Variants in HMCN1 observed in about 807,000 individuals in gnomAD.
HMCN1 encodes hemicentin-1.
A neutral mutation model predicts 625.9 loss-of-function variants in HMCN1; 321 were observed. The observed-to-expected ratio is 0.51, with a 90% CI of 0.47 to 0.56. The LOEUF (loss-of-function observed/expected upper bound fraction) is 0.56. Among genes scored for constraint, HMCN1 ranks in the 20% least tolerant of loss-of-function variants. HMCN1 has a pLI of 0.00. For synonymous variants in HMCN1, 2,425 were observed against 2,417.6 expected (o/e 1.00, Z -0.09); for missense variants, 6,588 against 6,887.3 (o/e 0.96, Z 1.54).
At chr1:185,832,194 G>A (rs1297251802) in intron 1 of HMCN1, among the ~76,000 whole-genome samples, 1 of 152,104 alleles carries the variant, frequency 6.6e-6, no homozygotes. Context: ...TACTTGGGGA[G>A]CTGATGTGGG....
At chr1:186,049,849 T>A (rs1364072459) in intron 42 of HMCN1, among the ~76,000 whole-genome samples, 1 of 151,936 alleles carries the variant, frequency 6.6e-6, no homozygotes, top group African/African-American at 2.4e-5. Flanking sequence ...ATGAGTATCA[T>A]CTTTTAAAAA....
intron 1 of HMCN1, among the ~76,000 whole-genome samples, chr1:185,825,579 A>C (rs1277255759): frequency 6.6e-6 from 1 of 152,192 alleles, no homozygotes; most frequent in Non-Finnish European, 1.5e-5. Flanking sequence ...TCTTACTCTC[A>C]AATTGTTTGT....
chr1:186,065,543 A>G, intron 49 of HMCN1, 114 bp downstream of exon 49: 1 of 691,212 alleles, frequency 1.4e-6, no homozygotes, highest in East Asian at 2.8e-5. Flanking sequence ...TCATGTAAGG[A>G]GGACCAGTGC....
Position 185,863,749 on chromosome 1 carries a change from T to C in HMCN1, c.340-721T>C, listed in dbSNP as rs1663011125. Among the ~76,000 whole-genome samples the C allele has an allele frequency of 3.3e-5, 5 of 152,258 alleles. No individual in the cohort carries two copies. The South Asian group carries it at 1.0e-3, about 32-fold the overall frequency. On this transcript the variant is annotated intron_variant, in intron 2 of 106. Coordinates refer to ENST00000271588, the MANE Select transcript of HMCN1 (RefSeq NM_031935.3). ...GGAAAACATATTGAGCCTATTCAAG[T>C]AGAAAATAAAACACAGAGATTATAG...
At chr1:186,036,571 A>G (rs1655839430) in intron 36 of HMCN1, among the ~76,000 whole-genome samples, 2 of 151,820 alleles carry the variant, frequency 1.3e-5, no homozygotes, top group Non-Finnish European at 2.9e-5. Flanking sequence ...TAGCCAAACC[A>G]TATCACCCAT....
intron 11 of HMCN1, among the ~76,000 whole-genome samples, chr1:185,957,541 TATG>T (rs755984289): frequency 6.6e-6 from 1 of 152,136 alleles, no homozygotes; most frequent in African/African-American, 2.4e-5. Flanking sequence ...GTTGTTCCCT[TATG>T]AGGAGGATTT....
chr1:185,926,315 A>G (rs1053754114), intron 9 of HMCN1, among the ~76,000 whole-genome samples: 1 of 152,184 alleles, frequency 6.6e-6, no homozygotes, highest in Non-Finnish European at 1.5e-5. Flanking sequence ...AGGAATATTC[A>G]TCATAACTAG....
At chr1:185,924,927 C>T in intron 8 of HMCN1, 120 bp from the exon 9 acceptor site, 1 of 894,806 alleles carries the variant, frequency 1.1e-6, no homozygotes, top group South Asian at 1.4e-5. Context: ...AATTGGAATG[C>T]AGAGGATTTA....
chr1:186,008,559 C>T (rs1387763935), intron 30 of HMCN1, among the ~76,000 whole-genome samples: 4 of 152,046 alleles, frequency 2.6e-5, no homozygotes, highest in African/African-American at 9.7e-5. Context: ...TTGAACAACA[C>T]TGGTTGAGTA....
chr1:185,815,660 G>T (rs1367825390), intron 1 of HMCN1, among the ~76,000 whole-genome samples: 1 of 149,742 alleles, frequency 6.7e-6, no homozygotes, highest in Non-Finnish European at 1.5e-5. Flanking sequence ...AGTTTTGGCT[G>T]GCTATGCAAC....
At chr1:186,171,963 A>C in intron 101 of HMCN1, 43 bp from the exon 102 acceptor site, 1 of 1,591,060 alleles carries the variant, frequency 6.3e-7, no homozygotes, top group South Asian at 1.1e-5. Context: ...AAAGTTGAAT[A>C]AATAATTTTC....
At chr1:185,896,808 T>C (rs1022868859) in intron 4 of HMCN1, among the ~76,000 whole-genome samples, 2 of 152,240 alleles carry the variant, frequency 1.3e-5, no homozygotes, top group African/African-American at 4.8e-5. Flanking sequence ...CGAGTGTACC[T>C]GCTATTTGAT....
chr1:185,754,231 A>G (rs1557943171), intron 1 of HMCN1, among the ~76,000 whole-genome samples: 1 of 152,196 alleles, frequency 6.6e-6, no homozygotes, highest in Non-Finnish European at 1.5e-5. Context: ...ATAGGAACAG[A>G]GAGTAGAACA....
chr1:185,823,842 A>G (rs1660347464), intron 1 of HMCN1, among the ~76,000 whole-genome samples: 1 of 152,192 alleles, frequency 6.6e-6, no homozygotes. Context: ...GAATAATTAA[A>G]TTACCTAGGT....
intron 26 of HMCN1, among the ~76,000 whole-genome samples, chr1:186,000,888 C>T (rs1653149145): frequency 6.6e-6 from 1 of 151,706 alleles, no homozygotes; most frequent in East Asian, 1.9e-4. Context: ...TGCCATTTTG[C>T]AAAAGTGAAA....
rs142909496 is a variant in HMCN1, at chr1:185,993,238, G to A, written c.3434G>A (p.Ser1145Asn). ...ATCACTGAAACCCGCACTTCAGATA[G>A]TGGGATGTATCTTTGTGTTGCCACA... ...MKITETRTSD[S>N]GMYLCVATNI... is the part of the protein sequence containing the mutation. The change falls in exon 23 of 107, where the codon AGT (serine) becomes AAT (asparagine). Residue 1145 changes from serine to asparagine, a missense_variant. This residue lies in a region of HMCN1 where 4,628 missense variants were observed against 4,853.1 expected (regional missense o/e 0.95). Transcript: ENST00000271588. 1.8e-4 allele frequency: 295 copies of A among 1,613,052 alleles called. No individual in the cohort carries two copies. In the African/African-American group the frequency reaches 3.4e-3, roughly 19 times the overall value.
chr1:186,025,745 G>A (rs946141060), intron 36 of HMCN1, among the ~76,000 whole-genome samples: 5 of 152,204 alleles, frequency 3.3e-5, no homozygotes, highest in Non-Finnish European at 7.3e-5. Context: ...TCAAAGAGAA[G>A]GGGGCAGACT....
At chr1:185,997,847 G>A (rs1652916473) in intron 25 of HMCN1, among the ~76,000 whole-genome samples, 1 of 147,258 alleles carries the variant, frequency 6.8e-6, no homozygotes. Flanking sequence ...TTTACAATGT[G>A]ATAGCTGGAG....
chr1:185,870,857 A>G (rs1165173015), intron 4 of HMCN1, among the ~76,000 whole-genome samples: 1 of 152,130 alleles, frequency 6.6e-6, no homozygotes, highest in East Asian at 1.9e-4. Context: ...TATGTGCCCA[A>G]CCCCTTCGTA....
Sources: gnomAD v4.1 joint callset for allele counts (sites outside exome capture counted in the v4.1 genomes callset) on GRCh38, gnomAD v4.1.1 for gene constraint, gnomAD v4.1.1 regional missense constraint, MANE v1.5 for transcripts, NCBI Gene and HGNC (gene_info 2026-07-23, HGNC 2026-07-21) for gene names.